Variants in ROBO2 observed in about 807,000 individuals in gnomAD.
ROBO2 encodes roundabout guidance receptor 2, also known as roundabout homolog 2.
A neutral mutation model predicts 160.8 loss-of-function variants in ROBO2; 53 were observed. That is an observed-to-expected ratio of 0.33 (90% CI 0.26 to 0.41). The LOEUF (loss-of-function observed/expected upper bound fraction) is 0.41, where lower values mean the gene tolerates loss of function less well. Ranked by LOEUF, ROBO2 falls within the 10% of genes least tolerant of loss-of-function variation. The pLI is 1.00. For synonymous variants in ROBO2, 664 were observed against 611.7 expected, an observed-to-expected ratio of 1.09 and a Z score of -1.26; for missense variants, 1,577 against 1,722.4, an observed-to-expected ratio of 0.92 and a Z score of 1.49.
chr3:77,387,574 G>T (rs1047960258), intron 2 of ROBO2, among the ~76,000 whole-genome samples: 1 of 150,716 alleles, frequency 6.6e-6, no homozygotes, highest in Non-Finnish European at 1.5e-5. Context: ...GATCTCCTGC[G>T]ATCACCCTGT....
chr3:76,873,156 G>A (rs943570272), intron 2 of ROBO2, among the ~76,000 whole-genome samples: 2 of 151,986 alleles, frequency 1.3e-5, no homozygotes, highest in African/African-American at 4.8e-5. Flanking sequence ...ACATTACAAA[G>A]GTTAATAAAT....
At chr3:77,480,371 C>T (rs2084542250) in intron 3 of ROBO2, among the ~76,000 whole-genome samples, 1 of 150,866 alleles carries the variant, frequency 6.6e-6, no homozygotes, top group Non-Finnish European at 1.5e-5. Context: ...GCTTTAATGT[C>T]CTCCTTAGCA....
intron 2 of ROBO2, among the ~76,000 whole-genome samples, chr3:77,214,481 A>G (rs568030364): frequency 5.6e-4 from 85 of 152,216 alleles, no homozygotes; most frequent in African/African-American, 1.8e-3. Context: ...GTCGCTGCAC[A>G]TGAGATCAGT....
At chr3:77,503,278 C>T (rs1284081722) in intron 5 of ROBO2, among the ~76,000 whole-genome samples, 1 of 151,578 alleles carries the variant, frequency 6.6e-6, no homozygotes, top group East Asian at 1.9e-4. Context: ...GTAATCCCAG[C>T]ACTTTGGGAA....
intron 2 of ROBO2, among the ~76,000 whole-genome samples, chr3:76,938,544 A>G (rs1054456960): frequency 5.3e-5 from 8 of 151,712 alleles, no homozygotes; most frequent in African/African-American, 1.7e-4. Context: ...AGCTTTTCCA[A>G]TTCTAGAAAT....
chr3:76,922,183 T>C (rs1294944599), intron 2 of ROBO2, among the ~76,000 whole-genome samples: 1 of 151,868 alleles, frequency 6.6e-6, no homozygotes, highest in Non-Finnish European at 1.5e-5. Flanking sequence ...TGGTGGCGGG[T>C]GCCTGTAGTC....
chr3:76,083,414 T>C (rs1045322594), intron 2 of ROBO2, among the ~76,000 whole-genome samples: 12 of 152,084 alleles, frequency 7.9e-5, no homozygotes, highest in African/African-American at 2.9e-4. Flanking sequence ...AAAGTTGCAC[T>C]GGGAGTCTTT....
chr3:76,289,982 TG>T (rs1708724146), intron 2 of ROBO2, among the ~76,000 whole-genome samples: 1 of 152,200 alleles, frequency 6.6e-6, no homozygotes, highest in Non-Finnish European at 1.5e-5. Context: ...AGGCTCTTTT[TG>T]GTTCCATATG....
chr3:76,204,971 A>G (rs1193315918), intron 2 of ROBO2, among the ~76,000 whole-genome samples: 1 of 152,164 alleles, frequency 6.6e-6, no homozygotes, highest in Non-Finnish European at 1.5e-5. Flanking sequence ...AATATTTGCA[A>G]AGTATGAAAA....
intron 2 of ROBO2, among the ~76,000 whole-genome samples, chr3:77,300,150 T>A (rs1298040601): frequency 6.6e-6 from 1 of 151,774 alleles, no homozygotes; most frequent in East Asian, 1.9e-4. Flanking sequence ...GAAATTGACA[T>A]AGAATTAAAT....
chr3:76,346,106 T>C (rs888805911), intron 2 of ROBO2, among the ~76,000 whole-genome samples: 2 of 152,140 alleles, frequency 1.3e-5, no homozygotes, highest in Non-Finnish European at 2.9e-5. Flanking sequence ...GCCTTGTCCT[T>C]CTGGAAGCTT....
At chr3:76,272,847 T>TAA (rs1227182032) in intron 2 of ROBO2, among the ~76,000 whole-genome samples, 35 of 2,608 alleles carry the variant, frequency 0.013, 4 homozygotes, top group Admixed American at 0.089. Context: ...ATATTATATA[T>TAA]TATATATAAA....
At chr3:76,199,822 C>G (rs1702435501) in intron 2 of ROBO2, among the ~76,000 whole-genome samples, 1 of 152,138 alleles carries the variant, frequency 6.6e-6, no homozygotes, top group Non-Finnish European at 1.5e-5. Context: ...CCTACAGCTT[C>G]TCTATGCCAA....
At chr3:76,394,056 C>A (rs1210430561) in intron 2 of ROBO2, among the ~76,000 whole-genome samples, 1 of 152,146 alleles carries the variant, frequency 6.6e-6, no homozygotes, top group Non-Finnish European at 1.5e-5. Context: ...ATACAGCACA[C>A]TGATGGGTCT....
intron 2 of ROBO2, among the ~76,000 whole-genome samples, chr3:76,545,051 G>T (rs1412590407): frequency 1.3e-5 from 2 of 151,794 alleles, no homozygotes; most frequent in Non-Finnish European, 2.9e-5. Context: ...AAACGAACTG[G>T]ATTTTTTTTT....
chr3:76,543,876 C>T lies in ROBO2; in HGVS notation c.110-554138C>T, dbSNP rs77196616. ...TCACCTTGGCTATCCCCTCAGATCT[C>T]TTATTTCTAGCTGCTTCTTTCTATA... On this transcript the variant is annotated intron_variant, in intron 2 of 26. Coordinates refer to the ROBO2 transcript ENST00000487694. Among the ~76,000 whole-genome samples the T allele has an allele frequency of 3.7e-3, 565 of 152,112 alleles. 6 individuals are homozygous for T. Among genetic ancestry groups the T allele is most frequent in the African/African-American group, 0.013 (543 of 41,530 alleles).
intron 2 of ROBO2, among the ~76,000 whole-genome samples, chr3:76,682,218 A>G (rs2092581201): frequency 1.3e-5 from 2 of 152,116 alleles, no homozygotes; most frequent in South Asian, 2.1e-4. Flanking sequence ...ACAGTTTTGA[A>G]CCCTAATATC....
chr3:77,550,946 G>A (rs763431269), exon 8 of ROBO2: 2 of 1,612,740 alleles, frequency 1.2e-6, no homozygotes, highest in East Asian at 2.2e-5. Context: ...CTTTAACTGT[G>A]GCAGGAAGCA....
At chr3:77,640,348 C>T (rs765997509) in intron 24 of ROBO2, among the ~76,000 whole-genome samples, 132 of 152,196 alleles carry the variant, frequency 8.7e-4, no homozygotes, top group Non-Finnish European at 1.5e-3. Context: ...CTCTTGACCT[C>T]GTGATCCGCC....
Sources: gnomAD v4.1 joint callset for allele counts (sites outside exome capture counted in the v4.1 genomes callset) on GRCh38, gnomAD v4.1.1 for gene constraint, MANE v1.5 for transcripts, NCBI Gene and HGNC (gene_info 2026-07-23, HGNC 2026-07-21) for gene names.